CDH12: variants seen among roughly 807,000 people sequenced by gnomAD.
The protein encoded by CDH12 is cadherin 12.
CDH12 carries 41 observed loss-of-function variants against 74.1 expected under a neutral mutation model. That is an observed-to-expected ratio of 0.55 (90% CI 0.43 to 0.72). The LOEUF is 0.72. CDH12 is among the 30% of genes least tolerant of loss of function. The pLI is 0.00. For synonymous variants in CDH12, 399 were observed against 355.0 expected (o/e 1.12, Z -1.39); for missense variants, 945 against 977.2 (o/e 0.97, Z 0.44).
chr5:22,126,002 G>GC (rs531856691), intron 4 of CDH12, among the ~76,000 whole-genome samples: 8 of 144,388 alleles, frequency 5.5e-5, no homozygotes, highest in Non-Finnish European at 1.1e-4. Flanking sequence ...ATTCATTTTG[G>GC]GGGGGGGACA....
intron 8 of CDH12, among the ~76,000 whole-genome samples, chr5:21,836,341 A>C (rs1749532988): frequency 6.6e-6 from 1 of 151,690 alleles, no homozygotes; most frequent in Admixed American, 6.6e-5. Flanking sequence ...TTGCTTTAAA[A>C]TGTTGTTGTA....
chr5:21,847,560 G>A (rs1006502261), intron 7 of CDH12, among the ~76,000 whole-genome samples: 8 of 151,892 alleles, frequency 5.3e-5, no homozygotes, highest in South Asian at 2.1e-4. Context: ...GCAGATTAGC[G>A]TTTTCATATC....
At chr5:22,488,994 G>T (rs1373859683) in intron 2 of CDH12, among the ~76,000 whole-genome samples, 1 of 145,742 alleles carries the variant, frequency 6.9e-6, no homozygotes, top group Non-Finnish European at 1.5e-5. Context: ...GTACCCTTAT[G>T]ACAGCCATTT....
intron 3 of CDH12, among the ~76,000 whole-genome samples, chr5:22,276,898 C>T (rs1324708217): frequency 6.6e-6 from 1 of 152,076 alleles, no homozygotes. Context: ...CACAATAAAC[C>T]TATGGAGTAG....
intron 1 of CDH12, among the ~76,000 whole-genome samples, chr5:22,750,619 C>G (rs1462927920): frequency 6.6e-6 from 1 of 151,968 alleles, no homozygotes; most frequent in Admixed American, 6.6e-5. Flanking sequence ...CTCTGATGGA[C>G]CAGTCGAATG....
At chr5:22,657,652 A>T (rs1028110712) in intron 1 of CDH12, among the ~76,000 whole-genome samples, 2 of 152,182 alleles carry the variant, frequency 1.3e-5, no homozygotes, top group African/African-American at 4.8e-5. Flanking sequence ...GGTGACATTT[A>T]TCACTAACAA....
At chr5:22,707,416 TC>T (rs1199231098) in intron 1 of CDH12, among the ~76,000 whole-genome samples, 1 of 152,200 alleles carries the variant, frequency 6.6e-6, no homozygotes, top group Non-Finnish European at 1.5e-5. Flanking sequence ...ATTTACTCTG[TC>T]CTTTAATGTC....
chr5:22,764,217 G>A (rs1018480229), intron 1 of CDH12, among the ~76,000 whole-genome samples: 5 of 151,606 alleles, frequency 3.3e-5, no homozygotes, highest in African/African-American at 1.2e-4. Flanking sequence ...AATACCCAAT[G>A]CATTTTATAC....
intron 3 of CDH12, among the ~76,000 whole-genome samples, chr5:22,316,054 G>A (rs568138809): frequency 1.8e-4 from 27 of 152,226 alleles, no homozygotes; most frequent in African/African-American, 5.1e-4. Context: ...AAGAGAATGT[G>A]ACAGGGGCTG....
At chr5:22,701,584 C>T (rs949385740) in intron 1 of CDH12, among the ~76,000 whole-genome samples, 1 of 152,114 alleles carries the variant, frequency 6.6e-6, no homozygotes, top group Non-Finnish European at 1.5e-5. Flanking sequence ...AGATCTAGCT[C>T]TCTGGATCTC....
At chr5:22,345,517 CT>C (rs1372663024) in intron 3 of CDH12, among the ~76,000 whole-genome samples, 1 of 152,078 alleles carries the variant, frequency 6.6e-6, no homozygotes, top group African/African-American at 2.4e-5. Context: ...TGTAAGTTAC[CT>C]TTTAACACTA....
At chr5:22,344,472 A>C (rs1001420786) in intron 3 of CDH12, among the ~76,000 whole-genome samples, 2 of 152,158 alleles carry the variant, frequency 1.3e-5, no homozygotes, top group Non-Finnish European at 2.9e-5. Flanking sequence ...TGACCACTTA[A>C]CCTATGATAA....
At chr5:22,660,464 A>G (rs1036130006) in intron 1 of CDH12, among the ~76,000 whole-genome samples, 1 of 152,214 alleles carries the variant, frequency 6.6e-6, no homozygotes, top group African/African-American at 2.4e-5. Flanking sequence ...TGAAAATTAT[A>G]CATATTAGCT....
chr5:22,593,799 T>C (rs1736466312), intron 1 of CDH12, among the ~76,000 whole-genome samples: 1 of 152,182 alleles, frequency 6.6e-6, no homozygotes, highest in African/African-American at 2.4e-5. Flanking sequence ...CTCTTTATGC[T>C]TCCTGTTTGC....
chr5:21,978,177 C>T (rs1256813413), intron 5 of CDH12, among the ~76,000 whole-genome samples: 2 of 152,056 alleles, frequency 1.3e-5, no homozygotes, highest in Non-Finnish European at 2.9e-5. Context: ...GTATCGCTCT[C>T]GTTGCCCAGG....
At chr5:22,779,184 C>CA (rs140533699) in intron 1 of CDH12, among the ~76,000 whole-genome samples, 3,741 of 152,168 alleles carry the variant, frequency 0.025, 164 homozygotes, top group African/African-American at 0.085. Flanking sequence ...GCTCCTTCGG[C>CA]AATAGCACTT....
At chr5:21,868,839 C>T (rs1414023523) in intron 6 of CDH12, among the ~76,000 whole-genome samples, 1 of 152,130 alleles carries the variant, frequency 6.6e-6, no homozygotes, top group Admixed American at 6.6e-5. Flanking sequence ...CAAGTTAAGA[C>T]TTTAGGGGCT....
intron 3 of CDH12, among the ~76,000 whole-genome samples, chr5:22,319,695 CA>C (rs952220412): frequency 7.2e-5 from 11 of 152,182 alleles, no homozygotes; most frequent in African/African-American, 2.4e-4. Context: ...TCTTTAGTAA[CA>C]TTTTTCTTTC....
intron 1 of CDH12, among the ~76,000 whole-genome samples, chr5:22,586,345 G>T (rs1205352449): frequency 6.6e-6 from 1 of 151,936 alleles, no homozygotes; most frequent in African/African-American, 2.4e-5. Context: ...TTGTGGGGTG[G>T]GGGGAGTGAG....
Sources: gnomAD v4.1 joint callset for allele counts (sites outside exome capture counted in the v4.1 genomes callset) on GRCh38, gnomAD v4.1.1 for gene constraint, MANE v1.5 for transcripts, NCBI Gene and HGNC (gene_info 2026-07-23, HGNC 2026-07-21) for gene names.